Variants in GNAI1 observed in about 807,000 individuals in gnomAD.
GNAI1 encodes the protein guanine nucleotide-binding protein G(i) subunit alpha-1.
GNAI1 carries 11 observed loss-of-function variants against 38.9 expected under a neutral mutation model. The observed-to-expected ratio is 0.28, with a 90% CI of 0.18 to 0.47. GNAI1 has a LOEUF of 0.47. GNAI1 is among the 20% of genes least tolerant of loss of function. The probability of loss-of-function intolerance (pLI) is 0.99; values close to 1 mark genes in which losing one functional copy is unlikely to be tolerated. For missense variants in GNAI1, 317 were observed against 436.9 expected, an observed-to-expected ratio of 0.73 and a Z score of 2.45; for synonymous variants, 166 against 145.1, an observed-to-expected ratio of 1.14 and a Z score of -1.04.
chr7:80,199,794 A>G (rs911123929), intron 4 of GNAI1, among the ~76,000 whole-genome samples: 12 of 152,280 alleles, frequency 7.9e-5, no homozygotes, highest in African/African-American at 2.9e-4. Context: ...TTACTTGTCC[A>G]ATGACAGGTA....
chr7:80,136,034 T>C (rs1005575720), intron 1 of GNAI1: 1 of 985,342 alleles, frequency 1.0e-6, no homozygotes, highest in Non-Finnish European at 1.2e-6. Context: ...CAGGGTTCTG[T>C]CTCCGCTGCC....
rs62462676 is a variant in GNAI1 at position 80,220,250 on chromosome 7, A to G, written c.*2757A>G. On this transcript the variant is annotated 3_prime_UTR_variant, in exon 8 of 8. Transcript: ENST00000649796. The stretch of plus-strand genomic sequence containing the variant: ...AGTACTGTATTACTTACTACATGTG[A>G]TATGCTTAGAGCAGTGCCTACAATG... Among the ~76,000 whole-genome samples, 17,818 of 152,198 alleles carry G rather than the reference A, an allele frequency of 0.12. 1,122 individuals carry two copies. Among genetic ancestry groups the G allele is most frequent in the African/African-American group, 0.16 (6,632 of 41,520 alleles).
intron 1 of GNAI1, among the ~76,000 whole-genome samples, chr7:80,163,439 T>C (rs1033474592): frequency 6.6e-6 from 1 of 152,180 alleles, no homozygotes; most frequent in African/African-American, 2.4e-5. Context: ...CATCACTCCA[T>C]TGTGTGTTTA....
At chr7:80,201,723 C>A (rs1032080871) in intron 4 of GNAI1, among the ~76,000 whole-genome samples, 8 of 150,756 alleles carry the variant, frequency 5.3e-5, no homozygotes, top group African/African-American at 1.7e-4. Context: ...GACCATGTCT[C>A]AAAGAAAAAA....
At chr7:80,183,795 C>G (rs1218549946) in intron 1 of GNAI1, among the ~76,000 whole-genome samples, 2 of 152,146 alleles carry the variant, frequency 1.3e-5, no homozygotes, top group Admixed American at 1.3e-4. Context: ...TTACATAACT[C>G]TCTTAAAGGA....
At chr7:80,148,202 C>T (rs1428878965) in intron 1 of GNAI1, among the ~76,000 whole-genome samples, 1 of 152,106 alleles carries the variant, frequency 6.6e-6, no homozygotes, top group South Asian at 2.1e-4. Flanking sequence ...CAGAGCTAAG[C>T]ACTAAGTAAA....
In GNAI1 at chr7:80,199,257, A is replaced by C. The variant is rs6970347; in HGVS notation, c.336A>C (p.Gly112=). 6.2e-7 allele frequency: 1 copy of C among 1,613,058 alleles called. No homozygotes were observed. The highest frequency in any genetic ancestry group is 1.7e-5 in the Admixed American group (1 of 59,950). ...DDARQLFVLA[G]AAEEGFMTAE... ...CACGCCAACTCTTTGTGCTAGCTGG[A>C]GCTGCTGAAGAAGGCTTTATGACTG... The change falls in exon 4 of 8, where the codon GGA becomes GGC. Residue 112 remains glycine (G), a synonymous_variant. Transcript: ENST00000649796.
chr7:80,182,802 G>A (rs568959947), intron 1 of GNAI1, among the ~76,000 whole-genome samples: 5 of 152,116 alleles, frequency 3.3e-5, no homozygotes, highest in African/African-American at 1.2e-4. Flanking sequence ...GCATGTTCAC[G>A]TGACAAACAG....
intron 1 of GNAI1, among the ~76,000 whole-genome samples, chr7:80,173,364 T>C (rs1056768557): frequency 6.6e-6 from 1 of 152,196 alleles, no homozygotes; most frequent in South Asian, 2.1e-4. Context: ...ATAGCTTAGA[T>C]GTCAAGTAAA....
intron 1 of GNAI1, among the ~76,000 whole-genome samples, chr7:80,140,759 C>T (rs1346722151): frequency 1.3e-5 from 2 of 152,168 alleles, no homozygotes; most frequent in Non-Finnish European, 2.9e-5. Context: ...TGTTCATTAC[C>T]ATAAACGTAG....
chr7:80,216,240 C>G (rs1788965843), intron 7 of GNAI1, among the ~76,000 whole-genome samples: 1 of 150,762 alleles, frequency 6.6e-6, no homozygotes. Context: ...CAGTATCCAC[C>G]ACTCAGGTCA....
At chr7:80,162,770 G>A (rs1787946791) in intron 1 of GNAI1, among the ~76,000 whole-genome samples, 1 of 152,136 alleles carries the variant, frequency 6.6e-6, no homozygotes. Context: ...GCCACACACT[G>A]GGATTTGGTG....
At chr7:80,156,041 T>G (rs1261942462) in intron 1 of GNAI1, among the ~76,000 whole-genome samples, 1 of 64,762 alleles carries the variant, frequency 1.5e-5, no homozygotes, top group Admixed American at 1.8e-4. Flanking sequence ...AGACTCTGTC[T>G]CAAAAAAAAA....
intron 4 of GNAI1, among the ~76,000 whole-genome samples, chr7:80,199,981 T>G (rs552150845): frequency 6.6e-6 from 1 of 152,136 alleles, no homozygotes; most frequent in South Asian, 2.1e-4. Flanking sequence ...AATTTTCAGG[T>G]GGTGGCCCCA....
At chr7:80,211,188 A>C in intron 6 of GNAI1, 90 bp downstream of exon 6, 1 of 1,114,744 alleles carries the variant, frequency 9.0e-7, no homozygotes, top group Non-Finnish European at 1.3e-6. Flanking sequence ...TAACAATTTG[A>C]AAGTACAGGG....
At position 80,212,790 on chromosome 7, in the gene GNAI1, A is replaced by C; in HGVS notation, c.795A>C (p.Ile265=). ...NNKWFTDTSI[I]LFLNKKDLFE... ...AGTGGTTTACAGATACATCCATTAT[A>C]CTTTTTCTAAACAAGAAGGATCTCT... The change falls in exon 7 of 8, where the codon ATA becomes ATC. Residue 265 remains isoleucine, a synonymous_variant. Coordinates refer to ENST00000649796, the MANE Select transcript of GNAI1 (RefSeq NM_002069.6). 6.3e-7 allele frequency: 1 copy of C among 1,577,414 alleles called. No homozygotes were observed. Among genetic ancestry groups the C allele is most frequent in the Non-Finnish European group, 8.6e-7 (1 of 1,161,146 alleles).
intron 1 of GNAI1, among the ~76,000 whole-genome samples, chr7:80,148,938 A>G (rs1197346180): frequency 6.6e-6 from 1 of 152,236 alleles, no homozygotes; most frequent in East Asian, 1.9e-4. Flanking sequence ...TATTACTAAT[A>G]CTAATGTAGT....
intron 1 of GNAI1, among the ~76,000 whole-genome samples, chr7:80,143,442 T>C (rs1787562156): frequency 6.6e-6 from 1 of 152,182 alleles, no homozygotes; most frequent in South Asian, 2.1e-4. Flanking sequence ...TAACCCTTAC[T>C]GGGTGTAAGC....
Position 80,177,099 on chromosome 7 carries a change from T to C in GNAI1, c.119-11852T>C, listed in dbSNP as rs1176374250. Among the ~76,000 whole-genome samples, 3 of 140,794 alleles carry C rather than the reference T, an allele frequency of 2.1e-5. No homozygotes were observed. The Admixed American group carries it at 2.3e-4, about 11-fold the overall frequency. 92.4% of individuals were successfully genotyped at this position (140,794 alleles called of 152,430 possible). ...AGGCTGGAGTGTAGTGGCACAATCTTGGCTCACTGCAAGCTCCGCCTCCCG... is the reference window on the plus strand; with the variant it reads ...AGGCTGGAGTGTAGTGGCACAATCTCGGCTCACTGCAAGCTCCGCCTCCCG... On this transcript the variant is annotated intron_variant, in intron 1 of 7. Transcript: ENST00000649796.
Sources: gnomAD v4.1 joint callset for allele counts (sites outside exome capture counted in the v4.1 genomes callset) on GRCh38, gnomAD v4.1.1 for gene constraint, MANE v1.5 for transcripts, NCBI Gene and HGNC (gene_info 2026-07-23, HGNC 2026-07-21) for gene names.